Variants in RBM24 observed in about 807,000 individuals in gnomAD.
RBM24 encodes the protein RNA binding motif protein 24.
In RBM24, 5 loss-of-function variants were observed where a neutral mutation model predicts 23.6. The observed-to-expected ratio is 0.21, with a 90% confidence interval of 0.11 to 0.45. RBM24 has a LOEUF of 0.45. Among genes scored for constraint, RBM24 ranks in the 20% least tolerant of loss-of-function variants. The pLI, the probability that RBM24 is intolerant of heterozygous loss-of-function variation, is 0.99. For synonymous variants in RBM24, 151 were observed against 129.5 expected, an observed-to-expected ratio of 1.17 and a Z score of -1.13; for missense variants, 252 against 314.6, an observed-to-expected ratio of 0.80 and a Z score of 1.51.
chr6:17,284,214 G>A (rs1212905461), intron 2 of RBM24, among the ~76,000 whole-genome samples: 1 of 151,436 alleles, frequency 6.6e-6, no homozygotes, highest in Non-Finnish European at 1.5e-5. Context: ...ATTTTTTTTT[G>A]TGAATTTTTA....
At position 17,292,828 on chromosome 6, in the gene RBM24, A is replaced by C. The variant is rs2113416094; in HGVS notation, c.*709A>C. 1 of 152,804 alleles carries C rather than the reference A, an allele frequency of 6.5e-6. No individual in the cohort carries two copies. Among genetic ancestry groups the C allele is most frequent in the South Asian group, 2.1e-4 (1 of 4,832 alleles). The allele number at this position is 152,804 out of a possible 1,614,324, so 9.5% of individuals were successfully genotyped here. A position where few individuals can be genotyped will look rare whatever the true frequency, so the allele number is the denominator to read the frequency against. ...ATCAATAACACACACAGTTCTGGAA[A>C]GAACACATCACTTGTGCTTGTTTGA... On this transcript the variant is annotated 3_prime_UTR_variant, in exon 4 of 4. Coordinates refer to ENST00000379052, the MANE Select transcript of RBM24 (RefSeq NM_001143942.2).
chr6:17,291,350 A>C (rs563718103), intron 3 of RBM24, among the ~76,000 whole-genome samples: 1 of 152,214 alleles, frequency 6.6e-6, no homozygotes, highest in South Asian at 2.1e-4. Flanking sequence ...TTGGCTAAGA[A>C]TTTTTCTATT....
At chr6:17,289,763 G>T in intron 3 of RBM24, 3 of 1,061,188 alleles carry the variant, frequency 2.8e-6, no homozygotes, top group South Asian at 3.1e-5. Flanking sequence ...AACCCTTGTC[G>T]CATGACAGGA....
At chr6:17,282,202 C>T in intron 1 of RBM24, 3 of 1,288,092 alleles carry the variant, frequency 2.3e-6, no homozygotes, top group Non-Finnish European at 3.0e-6. Context: ...GTCATCCCCC[C>T]GCCTTTTAAC....
intron 1 of RBM24, 76 bp from the exon 2 acceptor site, chr6:17,282,729 C>T (rs768900478): frequency 3.2e-6 from 5 of 1,583,794 alleles, no homozygotes; most frequent in Non-Finnish European, 3.5e-6. Context: ...AATGACTTCT[C>T]CATTGTGATT....
At chr6:17,289,552 A>G (rs1033527094) in intron 3 of RBM24, 1 of 985,296 alleles carries the variant, frequency 1.0e-6, no homozygotes, top group African/African-American at 1.7e-5. Flanking sequence ...ATTCTTCACA[A>G]CACTTTCTCC....
rs1760383332 is a variant in RBM24 at position 17,292,059 on chromosome 6, T to C, written c.651T>C (p.Ala217=). 5.6e-6 allele frequency: 9 copies of C among 1,593,012 alleles called. No homozygotes were observed. Among genetic ancestry groups the C allele is most frequent in the South Asian group, 1.1e-5 (1 of 90,390 alleles). The part of the protein sequence containing the change: ...GTAAAAAAAA[A]AAAAFGQYQP... ...CTGCCGCCGCCGCTGCAGCAGCTGC[T>C]GCCGCTGCAGCATTTGGCCAGTACC... Residue 217 remains alanine (A), a synonymous_variant, in exon 4 of 4, where the codon GCT becomes GCC. Coordinates refer to ENST00000379052, the MANE Select transcript of RBM24 (RefSeq NM_001143942.2).
chr6:17,292,213 G>T lies in RBM24; in HGVS notation c.*94G>T. On this transcript the variant is annotated 3_prime_UTR_variant, in exon 4 of 4. Transcript: ENST00000379052. ...TAAGAGAGTTAACATTGACTTAACA[G>T]CTTTAAAAAAAAAAACAGCCATGCT... The T allele has an allele frequency of 8.4e-7, 1 of 1,187,878 alleles. No individual in the cohort carries two copies. Among genetic ancestry groups the T allele is most frequent in the Non-Finnish European group, 1.1e-6 (1 of 884,578 alleles). The allele number at this position is 1,187,878 out of a possible 1,614,324, so 73.6% of individuals were successfully genotyped here.
rs1760027298 is a variant in RBM24 at position 17,281,882 on chromosome 6, C to T, written c.168+133C>T. The T allele has an allele frequency of 1.5e-6, 2 of 1,362,570 alleles. No homozygotes were observed. Among genetic ancestry groups the T allele is most frequent in the South Asian group, 1.3e-5 (1 of 74,968 alleles). The allele number at this position is 1,362,570 out of a possible 1,614,324, so 84.4% of individuals were successfully genotyped here. A position where few individuals can be genotyped will look rare whatever the true frequency, so the allele number is the denominator to read the frequency against. ...GGTAGAGCGGCGCTGCCCCTTCGCT[C>T]CGGGGTGAACTGAAACTTTGCTAGG... is the stretch of plus-strand genomic sequence containing the variant. On this transcript the variant is annotated intron_variant, in intron 1 of 3. Coordinates refer to ENST00000379052, the MANE Select transcript of RBM24 (RefSeq NM_001143942.2). The surrounding 1 kb of genome is among the most constrained non-coding windows in gnomAD (Gnocchi z 7.1).
chr6:17,281,570 G>A lies in RBM24; in HGVS notation c.-12G>A, dbSNP rs1277890556. The A allele has an allele frequency of 9.4e-6, 14 of 1,492,142 alleles. No homozygotes were observed. Among genetic ancestry groups the A allele is most frequent in the Non-Finnish European group, 8.9e-6 (10 of 1,120,864 alleles). The allele number at this position is 1,492,142 out of a possible 1,614,324, so 92.4% of individuals were successfully genotyped here. A position where few individuals can be genotyped will look rare whatever the true frequency, so the allele number is the denominator to read the frequency against. ...CCGCAGCCGGAGCCCGAGCCGCGGG[G>A]CGGGTGCGAAGATGCACACGACCCA... On this transcript the variant is annotated 5_prime_UTR_variant, in exon 1 of 4. Coordinates refer to ENST00000379052, the MANE Select transcript of RBM24 (RefSeq NM_001143942.2). The surrounding 1 kb of genome is among the most constrained non-coding windows in gnomAD (Gnocchi z 7.1).
chr6:17,281,555 A>T lies in RBM24; in HGVS notation c.-27A>T. The T allele has an allele frequency of 1.3e-6, 2 of 1,485,892 alleles. No homozygotes were observed. The highest frequency in any genetic ancestry group is 1.8e-6 in the Non-Finnish European group (2 of 1,118,106). The allele number at this position is 1,485,892 out of a possible 1,614,324, so 92.0% of individuals were successfully genotyped here. The stretch of plus-strand genomic sequence containing the variant: ...CTGCCCGAGCCGCAGCCGCAGCCGG[A>T]GCCCGAGCCGCGGGGCGGGTGCGAA... On this transcript the variant is annotated 5_prime_UTR_variant, in exon 1 of 4. Transcript: ENST00000379052. The surrounding 1 kb of genome is among the most constrained non-coding windows in gnomAD (Gnocchi z 7.1).
In RBM24 at chr6:17,284,701, A is replaced by C; in HGVS notation, c.337A>C (p.Arg113=). 6 of 1,610,892 alleles carry C rather than the reference A, an allele frequency of 3.7e-6. No homozygotes were observed. Among genetic ancestry groups the C allele is most frequent in the Non-Finnish European group, 5.1e-6 (6 of 1,178,696 alleles). The change falls in exon 3 of 4, where the codon AGA becomes CGA. Residue 113 remains arginine (R), a synonymous_variant. Coordinates refer to ENST00000379052, the MANE Select transcript of RBM24 (RefSeq NM_001143942.2). ...VQQLHPALIQ[R]PFGIPAHYVY... ...ACAACTTCATCCAGCCCTTATACAA[A>C]GACCTTTCGGGTAAGTTGATTAATC... is the stretch of plus-strand genomic sequence containing the variant.
intron 3 of RBM24, among the ~76,000 whole-genome samples, chr6:17,286,589 C>A (rs1226675053): frequency 6.6e-6 from 1 of 152,150 alleles, no homozygotes; most frequent in African/African-American, 2.4e-5. Flanking sequence ...TTATTAATTT[C>A]TAAGTGACTT....
At position 17,282,198 on chromosome 6, in the gene RBM24, C is replaced by A. The variant is rs1395813246; in HGVS notation, c.168+449C>A. 3.9e-6 allele frequency: 5 copies of A among 1,287,000 alleles called. No individual in the cohort carries two copies. In the African/African-American group the frequency reaches 7.6e-5, roughly 20 times the overall value. 79.7% of individuals were successfully genotyped at this position (1,287,000 alleles called of 1,614,324 possible). A position where few individuals can be genotyped will look rare whatever the true frequency, so the allele number is the denominator to read the frequency against. On this transcript the variant is annotated intron_variant, in intron 1 of 3. Transcript: ENST00000379052. ...CTGGGGCTGTTGCCCTTGTGTCATC[C>A]CCCCGCCTTTTAACTGCAAAGGTAG...
chr6:17,281,587 C>T lies in RBM24; in HGVS notation c.6C>T (p.His2=). The change falls in exon 1 of 4, where the codon CAC becomes CAT. Residue 2 remains histidine (H), a synonymous_variant. Transcript: ENST00000379052. The surrounding 1 kb of genome is among the most constrained non-coding windows in gnomAD (Gnocchi z 7.1). M[H]TTQKDTTYTK... Reference sequence around the variant, plus strand: ...GCCGCGGGGCGGGTGCGAAGATGCACACGACCCAGAAGGACACGACGTACA... The same window carrying T: ...GCCGCGGGGCGGGTGCGAAGATGCATACGACCCAGAAGGACACGACGTACA... The T allele has an allele frequency of 6.6e-7, 1 of 1,517,102 alleles. No homozygotes were observed. Among genetic ancestry groups the T allele is most frequent in the Non-Finnish European group, 8.8e-7 (1 of 1,132,344 alleles). 94.0% of individuals were successfully genotyped at this position (1,517,102 alleles called of 1,614,324 possible).
chr6:17,283,079 TAA>T, intron 2 of RBM24, 151 bp downstream of exon 2: 3 of 613,334 alleles, frequency 4.9e-6, no homozygotes, highest in Non-Finnish European at 8.7e-6. Context: ...GCATTAAACA[TAA>T]ATGAGAGTTG....
At chr6:17,288,583 G>A in intron 3 of RBM24, 3 of 985,422 alleles carry the variant, frequency 3.0e-6, no homozygotes, top group Non-Finnish European at 2.4e-6. Context: ...AAACGATAAA[G>A]CAAATTTCTG....
In RBM24 at chr6:17,290,147, C is replaced by G. The variant is rs371198818; in HGVS notation, c.348-1609C>G. 394 of 1,202,780 alleles carry G rather than the reference C, an allele frequency of 3.3e-4. 7 individuals carry two copies. The South Asian group carries it at 4.8e-3, about 15-fold the overall frequency. 74.5% of individuals were successfully genotyped at this position (1,202,780 alleles called of 1,614,324 possible). On this transcript the variant is annotated intron_variant, in intron 3 of 3. Coordinates refer to ENST00000379052, the MANE Select transcript of RBM24 (RefSeq NM_001143942.2). ...TAAATTCATCTTTTCCATGGATGTT[C>G]GTTAATGAGTGCTTTCAGTAAAACT...
At chr6:17,289,570 A>T in intron 3 of RBM24, 1 of 985,414 alleles carries the variant, frequency 1.0e-6, no homozygotes, top group Non-Finnish European at 1.2e-6. Context: ...TCCTTTTTGT[A>T]GGATAAACAT....
Sources: gnomAD v4.1 joint callset for allele counts (sites outside exome capture counted in the v4.1 genomes callset) on GRCh38, gnomAD v4.1.1 for gene constraint, Gnocchi (gnomAD v3.1) non-coding constraint, MANE v1.5 for transcripts, NCBI Gene and HGNC (gene_info 2026-07-23, HGNC 2026-07-21) for gene names.